INPP4B: variants seen among roughly 807,000 people sequenced by gnomAD.
The protein encoded by INPP4B is inositol polyphosphate 4-phosphatase type II.
Under a neutral mutation model 122.5 loss-of-function variants are expected in INPP4B, and 55 were observed. That is an observed-to-expected ratio of 0.45 (90% CI 0.36 to 0.56). INPP4B has a LOEUF of 0.56. INPP4B is among the 20% of genes least tolerant of loss of function. The pLI, the probability that INPP4B is intolerant of heterozygous loss-of-function variation, is 0.00. For synonymous variants in INPP4B, 403 were observed against 388.7 expected, an observed-to-expected ratio of 1.04 and a Z score of -0.43; for missense variants, 1,000 against 1,097.7, an observed-to-expected ratio of 0.91 and a Z score of 1.26.
chr4:142,577,397 T>C (rs1734085373), intron 2 of INPP4B, among the ~76,000 whole-genome samples: 1 of 152,000 alleles, frequency 6.6e-6, no homozygotes, highest in South Asian at 2.1e-4. Flanking sequence ...AAAATTTAGT[T>C]CATTTTTTAT....
chr4:142,207,338 CT>C (rs1472092637), intron 14 of INPP4B, among the ~76,000 whole-genome samples: 3 of 152,084 alleles, frequency 2.0e-5, no homozygotes, highest in Non-Finnish European at 4.4e-5. Flanking sequence ...CGTAGCTTTA[CT>C]TTTAGTTTTT....
intron 7 of INPP4B, among the ~76,000 whole-genome samples, chr4:142,380,181 A>T (rs963349629): frequency 6.6e-6 from 1 of 152,210 alleles, no homozygotes; most frequent in African/African-American, 2.4e-5. Context: ...CTGTTTACTG[A>T]CTAAAACATA....
chr4:142,094,021 A>G (rs941597859), intron 23 of INPP4B, among the ~76,000 whole-genome samples: 6 of 152,240 alleles, frequency 3.9e-5, no homozygotes, highest in Admixed American at 1.3e-4. Flanking sequence ...GGAGAAGAAT[A>G]CGACGATAAC....
chr4:142,259,680 TA>T (rs1738702059), intron 11 of INPP4B, among the ~76,000 whole-genome samples: 1 of 151,956 alleles, frequency 6.6e-6, no homozygotes, highest in Admixed American at 6.5e-5. Flanking sequence ...TTGACACTTT[TA>T]AAACATTTAG....
At chr4:142,038,865 T>G (rs897534563) in intron 25 of INPP4B, among the ~76,000 whole-genome samples, 8 of 152,196 alleles carry the variant, frequency 5.3e-5, no homozygotes, top group African/African-American at 1.9e-4. Flanking sequence ...GATATTTTTT[T>G]TCATATACTG....
rs532354009 is a variant in INPP4B at position 142,557,306 on chromosome 4, CAAG to C, written c.-190-94583_-190-94581del. On this transcript the variant is annotated intron_variant, in intron 2 of 25. Transcript: ENST00000262992. ...AAGAGCAACATGAATAAGAGGAGAA[CAAG>C]AAGAGTATGTAAAAGCTCCTTTAGT... is the stretch of plus-strand genomic sequence containing the variant. 5.1e-4 allele frequency among the ~76,000 whole-genome samples: 77 copies of C among 152,254 alleles called. 2 individuals are homozygous for C. Among genetic ancestry groups the C allele is most frequent in the African/African-American group, 1.6e-3 (65 of 41,544 alleles).
intron 17 of INPP4B, among the ~76,000 whole-genome samples, chr4:142,153,871 A>T (rs1815758543): frequency 6.6e-6 from 1 of 152,224 alleles, no homozygotes; most frequent in Non-Finnish European, 1.5e-5. Context: ...ATGCACATAA[A>T]GATTTCACCT....
Position 142,028,223 on chromosome 4 carries a change from T to TAGAG in INPP4B, c.*555_*558dup, listed in dbSNP as rs1450742727. 8.8e-6 allele frequency: 2 copies of TAGAG among 227,918 alleles called. No homozygotes were observed. Among genetic ancestry groups the TAGAG allele is most frequent in the Non-Finnish European group, 1.7e-5 (2 of 114,772 alleles). The allele number at this position is 227,918 out of a possible 1,614,324, so 14.1% of individuals were successfully genotyped here. A position where few individuals can be genotyped will look rare whatever the true frequency, so the allele number is the denominator to read the frequency against. On this transcript the variant is annotated 3_prime_UTR_variant, in exon 26 of 26. Coordinates refer to ENST00000262992, the MANE Select transcript of INPP4B (RefSeq NM_001101669.3). ...GAGGAGTCACACCTTGACTGGATGA[T>TAGAG]AGAGATCATTGTGGAACATACCTGC... is the stretch of plus-strand genomic sequence containing the variant.
intron 1 of INPP4B, among the ~76,000 whole-genome samples, chr4:142,808,495 T>TC (rs1561093540): frequency 1.3e-5 from 2 of 152,258 alleles, no homozygotes; most frequent in East Asian, 3.9e-4. Flanking sequence ...CAGCTGTACT[T>TC]CCCACTGTAC....
At chr4:142,035,133 A>T (rs1200530751) in intron 25 of INPP4B, among the ~76,000 whole-genome samples, 1 of 152,174 alleles carries the variant, frequency 6.6e-6, no homozygotes, top group Non-Finnish European at 1.5e-5. Flanking sequence ...GGCTCACATC[A>T]GCACGAGGAG....
At chr4:142,135,996 A>G (rs1803967939) in intron 18 of INPP4B, among the ~76,000 whole-genome samples, 1 of 152,088 alleles carries the variant, frequency 6.6e-6, no homozygotes, top group African/African-American at 2.4e-5. Context: ...ACGGGGTTTC[A>G]CCGTGTTAGC....
chr4:142,138,567 C>A (rs1805977838), intron 18 of INPP4B, among the ~76,000 whole-genome samples: 1 of 151,952 alleles, frequency 6.6e-6, no homozygotes, highest in East Asian at 1.9e-4. Flanking sequence ...TTAATCATTC[C>A]TTTTTCCAAC....
intron 9 of INPP4B, chr4:142,286,911 G>C (rs1196983854): frequency 6.6e-6 from 1 of 152,070 alleles, no homozygotes; most frequent in African/African-American, 2.4e-5. Context: ...GTGATGGTTT[G>C]GTTTGTGTCT....
chr4:142,340,014 C>A (rs28664218), intron 7 of INPP4B, among the ~76,000 whole-genome samples: 33,665 of 152,030 alleles, frequency 0.22, 4,655 homozygotes, highest in East Asian at 0.46. Context: ...TTCTAAGCTA[C>A]AAGACTGTCT....
intron 2 of INPP4B, among the ~76,000 whole-genome samples, chr4:142,624,059 T>C (rs1399521740): frequency 1.3e-5 from 2 of 151,792 alleles, no homozygotes; most frequent in African/African-American, 4.8e-5. Flanking sequence ...AGCAGCATGA[T>C]TTATAGTCCT....
chr4:142,198,013 T>C (rs1324735538), intron 14 of INPP4B, among the ~76,000 whole-genome samples: 2 of 152,140 alleles, frequency 1.3e-5, no homozygotes, highest in Non-Finnish European at 2.9e-5. Flanking sequence ...CTCAATAAAG[T>C]TGATTTGTGT....
chr4:142,203,674 T>C (rs1841582874), intron 14 of INPP4B, among the ~76,000 whole-genome samples: 1 of 152,086 alleles, frequency 6.6e-6, no homozygotes, highest in African/African-American at 2.4e-5. Context: ...ATTCCATTTG[T>C]CAGTATGAGA....
Position 142,065,892 on chromosome 4 carries a change from C to T in INPP4B, c.2642+16139G>A, listed in dbSNP as rs148668368. ...GGGGTGAGGTATAAGGGAAGGGATA[C>T]GGAGCTTCCATGCACTCCCTGGGTG... On this transcript the variant is annotated intron_variant, in intron 25 of 25. Transcript: ENST00000262992. Among the ~76,000 whole-genome samples, 1,222 of 152,246 alleles carry T rather than the reference C, an allele frequency of 8.0e-3. 15 individuals are homozygous for T. Among genetic ancestry groups the T allele is most frequent in the Non-Finnish European group, 0.013 (895 of 68,020 alleles).
intron 25 of INPP4B, among the ~76,000 whole-genome samples, chr4:142,068,290 T>C (rs1764826052): frequency 6.6e-6 from 1 of 152,190 alleles, no homozygotes; most frequent in South Asian, 2.1e-4. Flanking sequence ...CTGAGAGATT[T>C]TGTCACCACC....
Sources: allele counts gnomAD v4.1 joint callset (sites outside exome capture counted in the v4.1 genomes callset), GRCh38; gene constraint gnomAD v4.1.1; transcripts MANE v1.5; gene names NCBI Gene and HGNC (gene_info 2026-07-23, HGNC 2026-07-21).